JAG1: variants seen among roughly 807,000 people sequenced by gnomAD.
JAG1 encodes the protein protein jagged-1.
In JAG1, 23 loss-of-function variants were observed where a neutral mutation model predicts 148.7. The observed-to-expected ratio is 0.15, with a 90% CI of 0.11 to 0.22. The LOEUF is 0.22. JAG1 is among the 10% of genes least tolerant of loss of function. The pLI is 1.00. For missense variants in JAG1, 1,054 were observed against 1,611.2 expected (o/e 0.65, Z 5.92); for synonymous variants, 572 against 598.3 (o/e 0.96, Z 0.64).
At position 10,656,415 on chromosome 20, in the gene JAG1, T is replaced by A; in HGVS notation, c.738A>T (p.Lys246Asn). Residue 246 changes from lysine to asparagine, a missense_variant, in exon 5 of 26, where the codon AAA (lysine) becomes AAT (asparagine). Lys to Asn is a moderately conservative substitution (Grantham distance 94). This residue lies in a region of JAG1 where 104 missense variants were observed against 235.2 expected (regional missense o/e 0.44). Coordinates refer to ENST00000254958, the MANE Select transcript of JAG1 (RefSeq NM_000214.3). ...QGCSPKHGSC[K>N]LPGDCRCQYG... ...TGATTTACCTGCAGTCACCTGGGAG[T>A]TTGCAAGACCCATGCTTAGGACTGC... 1 of 1,613,788 alleles carries A rather than the reference T, an allele frequency of 6.2e-7. No homozygotes were observed. Among genetic ancestry groups the A allele is most frequent in the Non-Finnish European group, 8.5e-7 (1 of 1,179,834 alleles).
intron 2 of JAG1, among the ~76,000 whole-genome samples, chr20:10,669,588 A>AAAAAT (rs2067481928): frequency 1.5e-5 from 2 of 136,046 alleles, no homozygotes; most frequent in Non-Finnish European, 3.2e-5. Flanking sequence ...AAAAAAAAAA[A>AAAAAT]GTTGATCTCA....
At chr20:10,662,393 T>A (rs1410030133) in intron 3 of JAG1, 1 of 152,414 alleles carries the variant, frequency 6.6e-6, no homozygotes, top group Non-Finnish European at 1.5e-5. Context: ...CTGTGAATGC[T>A]GCAGTGTGGC....
In JAG1 at chr20:10,645,250, C is replaced by T. The variant is rs2122603091; in HGVS notation, c.2120G>A (p.Ser707Asn). 1.9e-6 allele frequency: 3 copies of T among 1,613,760 alleles called. No individual in the cohort carries two copies. Among genetic ancestry groups the T allele is most frequent in the Non-Finnish European group, 2.5e-6 (3 of 1,179,648 alleles). The change falls in exon 17 of 26, where the codon AGT becomes AAT. Residue 707 changes from serine to asparagine, a missense_variant. Ser to Asn is a conservative substitution (Grantham distance 46, BLOSUM62 1). Around this residue, in one of 6 missense-constraint regions of JAG1, gnomAD observed 342 missense variants for 514.6 expected, o/e 0.66. Coordinates refer to ENST00000254958, the MANE Select transcript of JAG1 (RefSeq NM_000214.3). This position sits in a 1 kb window ranked among gnomAD's most constrained non-coding sequence, Gnocchi z 6.1. ...WKGKTCHSRD[S>N]QCDEATCNNG... ...GTTGCACGTGGCCTCATCACACTGA[C>T]TGTCACCTGGAGGAAAATATTTCAG...
intron 4 of JAG1, among the ~76,000 whole-genome samples, chr20:10,657,210 A>G (rs1449818295): frequency 6.6e-6 from 1 of 152,110 alleles, no homozygotes; most frequent in Non-Finnish European, 1.5e-5. Context: ...CACAAAATAA[A>G]AAAGCTGGGT....
intron 5 of JAG1, among the ~76,000 whole-genome samples, chr20:10,654,450 T>G (rs906876894): frequency 6.6e-6 from 1 of 152,316 alleles, no homozygotes; most frequent in Middle Eastern, 3.4e-3. Context: ...TTGGCAGGCT[T>G]GCAATAAGCA....
rs1189020500 is a variant in JAG1, at chr20:10,645,952, CAA to C, written c.1999+17_1999+18del. 3.3e-6 allele frequency: 5 copies of C among 1,533,204 alleles called. No homozygotes were observed. Among genetic ancestry groups the C allele is most frequent in the Non-Finnish European group, 4.5e-6 (5 of 1,106,412 alleles). The allele number at this position is 1,533,204 out of a possible 1,614,324, so 95.0% of individuals were successfully genotyped here. On this transcript the variant is annotated intron_variant, in intron 15 of 25. Coordinates refer to ENST00000254958, the MANE Select transcript of JAG1 (RefSeq NM_000214.3). The surrounding 1 kb of genome is among the most constrained non-coding windows in gnomAD (Gnocchi z 6.1). ...ATGACCCATACATCCCAGAGCTCCC[CAA>C]AGAGTGGCAGACTCACTGGTTTCAC...
Position 10,645,642 on chromosome 20 carries a change from G to C in JAG1, c.2000-173C>G. 1 of 680,362 alleles carries C rather than the reference G, an allele frequency of 1.5e-6. No individual in the cohort carries two copies. Among genetic ancestry groups the C allele is most frequent in the Non-Finnish European group, 2.6e-6 (1 of 382,668 alleles). The allele number at this position is 680,362 out of a possible 1,614,324, so 42.1% of individuals were successfully genotyped here. A position where few individuals can be genotyped will look rare whatever the true frequency, so the allele number is the denominator to read the frequency against. ...CAGGAATAAAGGAGCTCCCAACTGGGTTACTTTGAATGCCACAAGTTAGGC... is the reference window on the plus strand; with the variant it reads ...CAGGAATAAAGGAGCTCCCAACTGGCTTACTTTGAATGCCACAAGTTAGGC... On this transcript the variant is annotated intron_variant, in intron 15 of 25. Transcript: ENST00000254958. This position sits in a 1 kb window ranked among gnomAD's most constrained non-coding sequence, Gnocchi z 6.1.
intron 7 of JAG1, 58 bp from the exon 8 acceptor site, chr20:10,651,752 AC>A (rs1336149931): frequency 4.6e-6 from 5 of 1,076,978 alleles, no homozygotes; most frequent in Non-Finnish European, 5.6e-6. Flanking sequence ...ACCTCCCCAC[AC>A]CCCCCTCCAA....
intron 21 of JAG1, 43 bp from the exon 22 acceptor site, chr20:10,641,935 C>A (rs777717011): frequency 1.5e-5 from 20 of 1,304,360 alleles, no homozygotes; most frequent in Non-Finnish European, 2.2e-5. Flanking sequence ...TTCTGTGAAC[C>A]GGATCGGGGT....
At chr20:10,672,009 G>A (rs1027719039) in intron 2 of JAG1, among the ~76,000 whole-genome samples, 3 of 151,830 alleles carry the variant, frequency 2.0e-5, no homozygotes, top group African/African-American at 7.3e-5. Flanking sequence ...CCCGGGAACC[G>A]CTGGAAGTGA....
chr20:10,670,262 A>ACC (rs1236744809), intron 2 of JAG1, among the ~76,000 whole-genome samples: 1 of 152,084 alleles, frequency 6.6e-6, no homozygotes, highest in Non-Finnish European at 1.5e-5. Flanking sequence ...ACACTGACCT[A>ACC]CCCCTGCACC....
At chr20:10,662,691 C>A (rs909206510) in intron 3 of JAG1, among the ~76,000 whole-genome samples, 1 of 152,086 alleles carries the variant, frequency 6.6e-6, no homozygotes, top group Non-Finnish European at 1.5e-5. Flanking sequence ...GTGTCTATGA[C>A]CCTGACTGGC....
At position 10,644,217 on chromosome 20, in the gene JAG1, C is replaced by T. The variant is rs1337692104; in HGVS notation, c.2372+140G>A. 4 of 772,776 alleles carry T rather than the reference C, an allele frequency of 5.2e-6. No homozygotes were observed. The African/African-American group carries it at 6.9e-5, about 13-fold the overall frequency. 47.9% of individuals were successfully genotyped at this position (772,776 alleles called of 1,614,324 possible). A position where few individuals can be genotyped will look rare whatever the true frequency, so the allele number is the denominator to read the frequency against. On this transcript the variant is annotated intron_variant, in intron 19 of 25. Transcript: ENST00000254958. ...AGCTTGTTAGAAAAGCAGTCTGAGG[C>T]CCCACCCCAGACCTCCTGACTCAGA... is the stretch of plus-strand genomic sequence containing the variant.
Position 10,639,421 on chromosome 20 carries a change from G to T in JAG1, c.*77C>A. 1 of 1,314,398 alleles carries T rather than the reference G, an allele frequency of 7.6e-7. No homozygotes were observed. The highest frequency in any genetic ancestry group is 1.1e-6 in the Non-Finnish European group (1 of 906,796). 81.4% of individuals were successfully genotyped at this position (1,314,398 alleles called of 1,614,324 possible). On this transcript the variant is annotated 3_prime_UTR_variant, in exon 26 of 26. Transcript: ENST00000254958. ...GGATTCTAAGTCAGCAACGGCCTCA[G>T]ACTCGAGTATGACACGACAGTTTAA...
chr20:10,673,471 C>G lies in JAG1; in HGVS notation c.60G>C (p.Leu20=). The part of the protein sequence containing the change: ...SGRPLSLLLA[L]LCALRAKVCG... The stretch of plus-strand genomic sequence containing the variant: ...CTACCTTGGCTCGCAGGGCACAGAG[C>G]AGGGCGAGCAGGAGGCTTAGGGGGC... Residue 20 remains leucine (L), a synonymous_variant, in exon 1 of 26, where the codon CTG becomes CTC. Transcript: ENST00000254958. This position sits in a 1 kb window ranked among gnomAD's most constrained non-coding sequence, Gnocchi z 4.7. The G allele has an allele frequency of 7.2e-7, 1 of 1,384,680 alleles. No individual in the cohort carries two copies. The highest frequency in any genetic ancestry group is 9.4e-7 in the Non-Finnish European group (1 of 1,065,312). 85.8% of individuals were successfully genotyped at this position (1,384,680 alleles called of 1,614,324 possible). A position where few individuals can be genotyped will look rare whatever the true frequency, so the allele number is the denominator to read the frequency against.
rs764111024 is a variant in JAG1, at chr20:10,639,898, A to G, written c.3257T>C (p.Val1086Ala). The G allele has an allele frequency of 6.2e-7, 1 of 1,614,218 alleles. No homozygotes were observed. Among genetic ancestry groups the G allele is most frequent in the Non-Finnish European group, 8.5e-7 (1 of 1,180,030 alleles). ...VLTVAWICCLVTAFYWCLRKR... is the reference protein window; with the variant it reads ...VLTVAWICCLATAFYWCLRKR... ...CCGCAGGCACCAGTAGAAGGCCGTCACCAAGCAACAGATCCAAGCCACAGT... is the reference window on the plus strand; with the variant it reads ...CCGCAGGCACCAGTAGAAGGCCGTCGCCAAGCAACAGATCCAAGCCACAGT... Residue 1086 changes from valine (V) to alanine (A), a missense_variant, in exon 26 of 26, where the codon GTG becomes GCG. This residue lies in a region of JAG1 where 177 missense variants were observed against 177.3 expected (regional missense o/e 1.00). Transcript: ENST00000254958.
chr20:10,639,975 C>A lies in JAG1; in HGVS notation c.3200-20G>T. On this transcript the variant is annotated intron_variant, in intron 25 of 25. Coordinates refer to ENST00000254958, the MANE Select transcript of JAG1 (RefSeq NM_000214.3). ...GGAAATCTGTAAGGCAGGCACAAAA[C>A]CAATTAACTCTCCAAGAAAGAAAGA... 6.4e-7 allele frequency: 1 copy of A among 1,563,868 alleles called. No homozygotes were observed. Among genetic ancestry groups the A allele is most frequent in the Non-Finnish European group, 8.8e-7 (1 of 1,134,934 alleles).
At position 10,658,805 on chromosome 20, in the gene JAG1, T is replaced by C. The variant is rs557794074; in HGVS notation, c.440-83A>G. The C allele has an allele frequency of 8.4e-6, 12 of 1,420,466 alleles. No individual in the cohort carries two copies. In the East Asian group the frequency reaches 9.1e-5, roughly 11 times the overall value. 88.0% of individuals were successfully genotyped at this position (1,420,466 alleles called of 1,614,324 possible). Reference sequence around the variant, plus strand: ...ATTTTGGCTTTTTAAAATAAAAACATATGCACCTGCTACAAAATTCTATCT... The same window carrying C: ...ATTTTGGCTTTTTAAAATAAAAACACATGCACCTGCTACAAAATTCTATCT... On this transcript the variant is annotated intron_variant, in intron 3 of 25. Transcript: ENST00000254958.
intron 14 of JAG1, among the ~76,000 whole-genome samples, chr20:10,646,579 T>TG (rs1568794938): frequency 9.4e-5 from 14 of 148,674 alleles, no homozygotes; most frequent in South Asian, 6.5e-4. Flanking sequence ...AAGTTGGGGG[T>TG]CGGGGGGTGG....
Sources: gnomAD v4.1 joint callset for allele counts (sites outside exome capture counted in the v4.1 genomes callset) on GRCh38, gnomAD v4.1.1 for gene constraint, gnomAD v4.1.1 regional missense constraint, Gnocchi (gnomAD v3.1) non-coding constraint, MANE v1.5 for transcripts, NCBI Gene and HGNC (gene_info 2026-07-23, HGNC 2026-07-21) for gene names.